Variants in C2orf74 observed in about 807,000 individuals in gnomAD.
The protein encoded by C2orf74 is DPM1 ER membrane anchor 1, also known as uncharacterized protein C2orf74.
Under a neutral mutation model 17.9 loss-of-function variants are expected in C2orf74, and 14 were observed. The ratio of observed to expected loss-of-function variants is 0.78; its 90% CI spans 0.52 to 1.22. The LOEUF is 1.22. Among genes scored for constraint, C2orf74 ranks in the 50% most tolerant of loss-of-function variants. The pLI, the probability that C2orf74 is intolerant of heterozygous loss-of-function variation, is 0.00. For missense variants in C2orf74, 217 were observed against 218.4 expected (o/e 0.99, Z 0.04); for synonymous variants, 79 against 72.6 (o/e 1.09, Z -0.44).
upstream of C2orf74, among the ~76,000 whole-genome samples, chr2:61,157,560 G>A (rs980154883): frequency 3.3e-5 from 5 of 152,148 alleles, no homozygotes; most frequent in Non-Finnish European, 7.3e-5. Flanking sequence ...CCAGCTTCCT[G>A]TCCACACTGT....
intron 3 of C2orf74, 21 bp from the exon 4 acceptor site, chr2:61,163,031 C>T (rs961422210): frequency 3.3e-5 from 51 of 1,552,154 alleles, no homozygotes; most frequent in Non-Finnish European, 4.4e-5. Flanking sequence ...ATGTTTAAAA[C>T]TCTACCGATT....
intron 1 of C2orf74, among the ~76,000 whole-genome samples, chr2:61,145,517 G>C (rs1407011577): frequency 6.6e-6 from 1 of 152,064 alleles, no homozygotes; most frequent in Admixed American, 6.6e-5. Context: ...TCCGCTGCCC[G>C]GGTTCAAGTG....
chr2:61,152,790 G>T (rs1386505680), intron 1 of C2orf74, among the ~76,000 whole-genome samples: 2 of 148,476 alleles, frequency 1.3e-5, no homozygotes, highest in Non-Finnish European at 3.0e-5. Context: ...GGAGGATGCG[G>T]TGAGCCAAGA....
rs142145384 is a variant in C2orf74, at chr2:61,146,761, C to T, written c.-122+1565C>T. Among the ~76,000 whole-genome samples, 10 of 152,146 alleles carry T rather than the reference C, an allele frequency of 6.6e-5. No homozygotes were observed. In the South Asian group the frequency reaches 1.9e-3, roughly 28 times the overall value. ...AGGCAGGAGAATTGAATCGCTTGAACCAGGGAGTCGGAGGTTGCAGTGAGC... is the reference window on the plus strand; with the variant it reads ...AGGCAGGAGAATTGAATCGCTTGAATCAGGGAGTCGGAGGTTGCAGTGAGC... On this transcript the variant is annotated intron_variant, in intron 1 of 3. Coordinates refer to the C2orf74 transcript ENST00000426997.
At position 61,164,504 on chromosome 2, in the gene C2orf74, C is replaced by G. The variant is rs376938479; in HGVS notation, c.541C>G (p.Arg181Gly). 24 of 1,536,912 alleles carry G rather than the reference C, an allele frequency of 1.6e-5. No individual in the cohort carries two copies. The highest frequency in any genetic ancestry group is 2.5e-5 in the East Asian group (1 of 40,438). The change falls in exon 5 of 5, where the codon CGA becomes GGA. Residue 181 changes from arginine (R) to glycine (G), a missense_variant. Coordinates refer to ENST00000432605, the MANE Select transcript of C2orf74 (RefSeq NM_001143959.4). ...NEYPTPRSYT[R>G]EHKERK The stretch of plus-strand genomic sequence containing the variant: ...ATACCCTACACCTCGAAGCTATACT[C>G]GAGAACATAAAGAGAGGAAATGAAG...
In C2orf74 at chr2:61,163,164, GC is replaced by G; in HGVS notation, c.323del (p.Ala108GlufsTer7). The G allele has an allele frequency of 2.6e-6, 4 of 1,552,352 alleles. No individual in the cohort carries two copies. The highest frequency in any genetic ancestry group is 3.5e-6 in the Non-Finnish European group (4 of 1,147,116). The part of the protein sequence containing the change: ...TPLENRRDME[A>X]EEENQINEKQ... The stretch of plus-strand genomic sequence containing the variant: ...CTTAGAAAACAGAAGGGACATGGAG[GC>G]AGAAGAGGAGAACCAAATAAATGAG... On this transcript the variant is annotated frameshift_variant, in exon 4 of 5. Transcript: ENST00000432605. LOFTEE classifies it high-confidence loss of function.
intron 1 of C2orf74, among the ~76,000 whole-genome samples, chr2:61,145,527 G>T (rs1330671120): frequency 2.0e-5 from 3 of 152,136 alleles, no homozygotes; most frequent in African/African-American, 7.2e-5. Flanking sequence ...GGGTTCAAGT[G>T]ATTCTCCCAC....
chr2:61,161,070 T>C (rs1384047181), upstream of C2orf74, among the ~76,000 whole-genome samples: 3 of 152,136 alleles, frequency 2.0e-5, no homozygotes, highest in Non-Finnish European at 4.4e-5. Flanking sequence ...TCACCAATAC[T>C]TTTTTTTCTT....
At chr2:61,163,345 A>C in intron 4 of C2orf74, 113 bp downstream of exon 4, 5 of 1,167,548 alleles carry the variant, frequency 4.3e-6, no homozygotes, top group Non-Finnish European at 5.9e-6. Context: ...CGGGTGGCTC[A>C]CGCCTGTAAT....
chr2:61,161,531 G>A (rs1237436394), upstream of C2orf74, among the ~76,000 whole-genome samples: 17 of 152,148 alleles, frequency 1.1e-4, no homozygotes, highest in Non-Finnish European at 1.9e-4. Context: ...GATGTTTTAC[G>A]TTGGTTGGTT....
chr2:61,155,674 C>T (rs1178366684), intron 1 of C2orf74, among the ~76,000 whole-genome samples: 1 of 152,020 alleles, frequency 6.6e-6, no homozygotes, highest in Non-Finnish European at 1.5e-5. Context: ...GCACCCGCCA[C>T]CATGCCCGGC....
In C2orf74 at chr2:61,163,211, T is replaced by C; in HGVS notation, c.369T>C (p.Ala123=). Residue 123 remains alanine (A), a synonymous_variant, in exon 4 of 5, where the codon GCT becomes GCC. Coordinates refer to ENST00000432605, the MANE Select transcript of C2orf74 (RefSeq NM_001143959.4). ...ATGAGAAGCAAGAGCCTGAGAATGC[T>C]GGAGAAACTGGTCAAGAAGAGGTGA... ...QINEKQEPEN[A]GETGQEEDDG... is the part of the protein sequence containing the mutation. The C allele has an allele frequency of 6.4e-7, 1 of 1,551,690 alleles. No homozygotes were observed. The highest frequency in any genetic ancestry group is 8.7e-7 in the Non-Finnish European group (1 of 1,146,954).
At chr2:61,156,644 G>C (rs757959771) in intron 1 of C2orf74, among the ~76,000 whole-genome samples, 2 of 152,192 alleles carry the variant, frequency 1.3e-5, no homozygotes, top group Non-Finnish European at 2.9e-5. Context: ...AGCACTTTCA[G>C]AGGCCAAGGC....
chr2:61,146,848 A>C (rs28482908), intron 1 of C2orf74, among the ~76,000 whole-genome samples: 39 of 147,218 alleles, frequency 2.6e-4, no homozygotes, highest in African/African-American at 8.5e-4. Flanking sequence ...AAAAAAAAAA[A>C]CAAAAAACAA....
At chr2:61,157,350 A>T, upstream of C2orf74, among the ~76,000 whole-genome samples, 1 of 152,128 alleles carries the variant, frequency 6.6e-6, no homozygotes, top group East Asian at 1.9e-4. Context: ...CCTGGAGGGA[A>T]CATATTTAAT....
At chr2:61,163,700 T>C (rs1340123563) in intron 4 of C2orf74, among the ~76,000 whole-genome samples, 2 of 152,114 alleles carry the variant, frequency 1.3e-5, no homozygotes, top group African/African-American at 4.8e-5. Flanking sequence ...CCCACAGTCA[T>C]TTAAGCCATT....
At chr2:61,148,397 G>A (rs953371661) in intron 1 of C2orf74, among the ~76,000 whole-genome samples, 5 of 151,950 alleles carry the variant, frequency 3.3e-5, no homozygotes, top group African/African-American at 1.2e-4. Flanking sequence ...ATGTTGGCCA[G>A]GCTGGTCTCG....
At chr2:61,164,128 T>G (rs1431414872) in intron 4 of C2orf74, among the ~76,000 whole-genome samples, 14 of 152,102 alleles carry the variant, frequency 9.2e-5, no homozygotes, top group Admixed American at 8.5e-4. Flanking sequence ...GACCACTTCA[T>G]GGAGAGAATT....
At chr2:61,156,056 A>C (rs1039269574) in intron 1 of C2orf74, among the ~76,000 whole-genome samples, 3 of 151,850 alleles carry the variant, frequency 2.0e-5, no homozygotes, top group African/African-American at 7.3e-5. Flanking sequence ...AAAATTAGCC[A>C]GGCATGGTGG....
Sources: gnomAD v4.1 joint callset for allele counts (sites outside exome capture counted in the v4.1 genomes callset) on GRCh38, gnomAD v4.1.1 for gene constraint, MANE v1.5 for transcripts, NCBI Gene and HGNC (gene_info 2026-07-23, HGNC 2026-07-21) for gene names.